IDO2: variants seen among roughly 807,000 people sequenced by gnomAD.
IDO2 encodes the protein indoleamine 2,3-dioxygenase-like 1 protein.
Under a neutral mutation model 45.1 loss-of-function variants are expected in IDO2, and 46 were observed. The ratio of observed to expected loss-of-function variants is 1.02; its 90% CI spans 0.80 to 1.30. The LOEUF is 1.30. Among genes scored for constraint, IDO2 ranks in the 50% most tolerant of loss-of-function variants. IDO2 has a pLI of 0.00. For synonymous variants in IDO2, 218 were observed against 184.9 expected, an observed-to-expected ratio of 1.18 and a Z score of -1.45; for missense variants, 544 against 491.8, an observed-to-expected ratio of 1.11 and a Z score of -1.00.
intron 4 of IDO2, among the ~76,000 whole-genome samples, chr8:39,982,115 G>C (rs1808361615): frequency 6.6e-6 from 1 of 151,988 alleles, no homozygotes; most frequent in Non-Finnish European, 1.5e-5. Context: ...GTATCTCTAT[G>C]AGTCGGTCAA....
chr8:39,982,684 C>G (rs778266020), exon 5 of IDO2: 17 of 1,611,076 alleles, frequency 1.1e-5, no homozygotes, highest in Non-Finnish European at 1.4e-5. Context: ...TTCCATTTGT[C>G]GAAGTCTCCA....
chr8:39,962,569 A>T (rs1014647306), intron 2 of IDO2, among the ~76,000 whole-genome samples: 2 of 152,182 alleles, frequency 1.3e-5, no homozygotes, highest in African/African-American at 4.8e-5. Flanking sequence ...TTGTCTCATG[A>T]CCAGGAAGAA....
chr8:39,960,364 C>G (rs193273760), intron 2 of IDO2, among the ~76,000 whole-genome samples: 33 of 152,258 alleles, frequency 2.2e-4, no homozygotes, highest in African/African-American at 7.5e-4. Flanking sequence ...CATTCTGGCT[C>G]TCTCTCTCCT....
chr8:40,005,756 C>T (rs1802211471), intron 9 of IDO2, among the ~76,000 whole-genome samples: 1 of 152,058 alleles, frequency 6.6e-6, no homozygotes, highest in Non-Finnish European at 1.5e-5. Context: ...TGGATAGCAT[C>T]GAAGCTTTCT....
intron 2 of IDO2, among the ~76,000 whole-genome samples, chr8:39,951,540 C>T (rs1807814935): frequency 6.6e-6 from 1 of 152,180 alleles, no homozygotes; most frequent in African/African-American, 2.4e-5. Flanking sequence ...GAATTACAAA[C>T]ATCCCCTGAC....
intron 5 of IDO2, among the ~76,000 whole-genome samples, chr8:39,983,468 T>C (rs2129594536): frequency 6.6e-6 from 1 of 152,330 alleles, no homozygotes; most frequent in East Asian, 1.9e-4. Context: ...TGAGGTTTGA[T>C]ATGAGGAAGA....
chr8:40,004,858 T>C (rs1802196057), intron 8 of IDO2, among the ~76,000 whole-genome samples: 1 of 152,218 alleles, frequency 6.6e-6, no homozygotes, highest in South Asian at 2.1e-4. Flanking sequence ...AGTGTGGCAA[T>C]CCCTGGGCAA....
At chr8:39,998,638 CTT>C (rs35313305) in intron 8 of IDO2, 13,416 of 115,022 alleles carry the variant, frequency 0.12, 621 homozygotes, top group East Asian at 0.33. Flanking sequence ...TTTTCTTCTT[CTT>C]TTTTTTTTTT....
intron 9 of IDO2, among the ~76,000 whole-genome samples, chr8:40,006,906 C>T (rs1426368888): frequency 3.3e-5 from 5 of 152,080 alleles, no homozygotes; most frequent in Admixed American, 6.6e-5. Flanking sequence ...GGTGATCTGC[C>T]CACCTTGGCC....
At chr8:39,995,285 CTTCTTTTTT>C (rs1372947645) in intron 8 of IDO2, 2 of 136,808 alleles carry the variant, frequency 1.5e-5, no homozygotes, top group African/African-American at 6.2e-5. Flanking sequence ...TCTTCTTCTT[CTTCTTTTTT>C]TTTTGAGATG....
chr8:39,955,883 A>G (rs1050340732), intron 2 of IDO2, among the ~76,000 whole-genome samples: 1 of 152,184 alleles, frequency 6.6e-6, no homozygotes, highest in African/African-American at 2.4e-5. Flanking sequence ...ACGTAACCAT[A>G]GCAATGCTCC....
intron 6 of IDO2, 57 bp from the exon 7 acceptor site, chr8:39,987,814 T>A: frequency 9.9e-7 from 1 of 1,008,646 alleles, no homozygotes; most frequent in South Asian, 1.4e-5. Flanking sequence ...CTCTGGGCAG[T>A]GAGTACTCAC....
chr8:40,009,224 A>C (rs910902882), intron 9 of IDO2, among the ~76,000 whole-genome samples: 1 of 152,166 alleles, frequency 6.6e-6, no homozygotes, highest in Non-Finnish European at 1.5e-5. Flanking sequence ...CCTGTGGGCC[A>C]GGCTGTTCTT....
chr8:39,942,768 G>A (rs560987036), intron 1 of IDO2, among the ~76,000 whole-genome samples: 1 of 152,258 alleles, frequency 6.6e-6, no homozygotes, highest in East Asian at 1.9e-4. Context: ...TAAATCTTGG[G>A]TGATTCGTGT....
chr8:39,967,621 G>A (rs987551849), intron 3 of IDO2, among the ~76,000 whole-genome samples: 72 of 152,138 alleles, frequency 4.7e-4, no homozygotes, highest in African/African-American at 1.7e-3. Context: ...CCGAGTAGCT[G>A]GGATTACAGG....
At chr8:39,941,469 T>A (rs1229935084) in intron 1 of IDO2, among the ~76,000 whole-genome samples, 22 of 152,138 alleles carry the variant, frequency 1.4e-4, no homozygotes, top group Admixed American at 1.4e-3. Context: ...TTGGACATAA[T>A]GCCAGGCCAA....
chr8:39,971,436 A>T (rs1050769502), intron 3 of IDO2, among the ~76,000 whole-genome samples: 1 of 152,182 alleles, frequency 6.6e-6, no homozygotes, highest in Non-Finnish European at 1.5e-5. Context: ...GTCTGCTAAC[A>T]CATTTGTTCT....
chr8:39,979,375 G>T (rs1808308568), intron 4 of IDO2, among the ~76,000 whole-genome samples, 189 bp downstream of exon 4: 1 of 151,946 alleles, frequency 6.6e-6, no homozygotes, highest in Admixed American at 6.6e-5. Context: ...ATTTTATTTT[G>T]AGCCAGTCTC....
intron 8 of IDO2, among the ~76,000 whole-genome samples, chr8:39,991,132 T>C (rs926327772): frequency 6.6e-6 from 1 of 152,156 alleles, no homozygotes; most frequent in Non-Finnish European, 1.5e-5. Flanking sequence ...TAAATATAAT[T>C]TGTCATCCCA....
Sources: allele counts gnomAD v4.1 joint callset (sites outside exome capture counted in the v4.1 genomes callset), GRCh38; gene constraint gnomAD v4.1.1; transcripts MANE v1.5; gene names NCBI Gene and HGNC (gene_info 2026-07-23, HGNC 2026-07-21).